Variants in RPSA2 observed in about 807,000 individuals in gnomAD.
The protein encoded by RPSA2 is small ribosomal subunit protein uS2B.
the RPSA2 span, among the ~76,000 whole-genome samples, chr19:23,761,559 A>G: frequency 6.6e-6 from 1 of 152,128 alleles, no homozygotes; most frequent in Non-Finnish European, 1.5e-5. Flanking sequence ...CCTGTAAACT[A>G]TCACTGTTAA....
the RPSA2 span, chr19:23,826,928 G>C: frequency 2.3e-4 from 120 of 521,966 alleles, no homozygotes; most frequent in Non-Finnish European, 3.3e-4. Context: ...CTTACCTTGT[G>C]ATCTGCCTGC....
the RPSA2 span, among the ~76,000 whole-genome samples, chr19:23,797,903 T>G: frequency 1.5e-4 from 23 of 152,200 alleles, no homozygotes; most frequent in Admixed American, 1.2e-3. Flanking sequence ...AAATATAAAT[T>G]AGAAATAAGA....
chr19:23,842,801 G>A, the RPSA2 span: 15 of 151,996 alleles, frequency 9.9e-5, no homozygotes, highest in Admixed American at 2.6e-4. Flanking sequence ...AAAACTTGAC[G>A]GTTTATTGAA....
At chr19:23,812,204 A>G in the RPSA2 span, among the ~76,000 whole-genome samples, 1 of 152,060 alleles carries the variant, frequency 6.6e-6, no homozygotes, top group Non-Finnish European at 1.5e-5. Flanking sequence ...CTTATGTATT[A>G]TAATTTTAGA....
At chr19:23,761,915 T>TCCTCC in the RPSA2 span, among the ~76,000 whole-genome samples, 1 of 21,638 alleles carries the variant, frequency 4.6e-5, no homozygotes, top group East Asian at 1.1e-3. Flanking sequence ...TTTCTTTCTT[T>TCCTCC]CTTTCTTTTT....
the RPSA2 span, among the ~76,000 whole-genome samples, chr19:23,797,165 A>G: frequency 6.6e-6 from 1 of 152,150 alleles, no homozygotes; most frequent in Non-Finnish European, 1.5e-5. Flanking sequence ...GGCCAAGTGC[A>G]ATGGCACGAT....
chr19:23,853,378 CAT>C, the RPSA2 span, among the ~76,000 whole-genome samples: 1 of 141,038 alleles, frequency 7.1e-6, no homozygotes, highest in Non-Finnish European at 1.6e-5. Context: ...ACTAGAAACA[CAT>C]GAGAATTCCA....
chr19:23,831,062 C>A, the RPSA2 span, among the ~76,000 whole-genome samples: 2 of 151,962 alleles, frequency 1.3e-5, no homozygotes, highest in East Asian at 1.9e-4. Flanking sequence ...ACTTGCTACA[C>A]CTGTTCCTTT....
chr19:23,828,240 A>T, the RPSA2 span, among the ~76,000 whole-genome samples: 1 of 149,222 alleles, frequency 6.7e-6, no homozygotes, highest in Non-Finnish European at 1.5e-5. Flanking sequence ...TTTCACCTTT[A>T]TACTCATATC....
At chr19:23,812,190 TTTAC>T in the RPSA2 span, among the ~76,000 whole-genome samples, 4 of 152,172 alleles carry the variant, frequency 2.6e-5, no homozygotes, top group African/African-American at 9.6e-5. Flanking sequence ...TGTTTTTGGT[TTTAC>T]TTATGTATTA....
the RPSA2 span, among the ~76,000 whole-genome samples, chr19:23,869,283 G>T: frequency 2.0e-5 from 3 of 152,292 alleles, no homozygotes; most frequent in South Asian, 6.2e-4. Flanking sequence ...TCACTACAAA[G>T]ATGTCGCTCA....
the RPSA2 span, among the ~76,000 whole-genome samples, chr19:23,788,902 A>C: frequency 6.6e-6 from 1 of 151,810 alleles, no homozygotes; most frequent in African/African-American, 2.4e-5. Context: ...ATCAGCCACC[A>C]GGTGTGTGTC....
the RPSA2 span, among the ~76,000 whole-genome samples, chr19:23,804,547 G>A: frequency 2.6e-5 from 4 of 151,728 alleles, no homozygotes; most frequent in East Asian, 1.9e-4. Flanking sequence ...CACCTGTCTC[G>A]GCCTCCCAAA....
the RPSA2 span, chr19:23,818,583 G>A: frequency 6.6e-6 from 1 of 152,308 alleles, no homozygotes; most frequent in Non-Finnish European, 1.5e-5. Context: ...CAAATTTAAG[G>A]CTCTTGCAGT....
At chr19:23,832,713 A>G in the RPSA2 span, 6 of 1,522,712 alleles carry the variant, frequency 3.9e-6, no homozygotes, top group Middle Eastern at 1.8e-4. Flanking sequence ...CTGGAGAGAA[A>G]CCCTACAAAT....
At chr19:23,786,956 G>T in the RPSA2 span, among the ~76,000 whole-genome samples, 1 of 151,584 alleles carries the variant, frequency 6.6e-6, no homozygotes. Flanking sequence ...ATATTGCTGT[G>T]GTCAGCAACC....
At chr19:23,862,617 T>C in the RPSA2 span, among the ~76,000 whole-genome samples, 3 of 152,222 alleles carry the variant, frequency 2.0e-5, no homozygotes, top group Non-Finnish European at 4.4e-5. Flanking sequence ...AGGCCTTTTC[T>C]GCATCTATTG....
At chr19:23,816,743 C>T in the RPSA2 span, among the ~76,000 whole-genome samples, 1 of 152,176 alleles carries the variant, frequency 6.6e-6, no homozygotes, top group Admixed American at 6.5e-5. Context: ...GAAGAGACCT[C>T]ACAATCATGG....
At chr19:23,800,638 A>G in the RPSA2 span, among the ~76,000 whole-genome samples, 189 of 149,808 alleles carry the variant, frequency 1.3e-3, no homozygotes, top group African/African-American at 4.2e-3. Flanking sequence ...TCTTAGATGG[A>G]ATTTCACTCT....
Sources: allele counts gnomAD v4.1 joint callset (sites outside exome capture counted in the v4.1 genomes callset), GRCh38; gene constraint gnomAD v4.1.1; transcripts MANE v1.5; gene names NCBI Gene and HGNC (gene_info 2026-07-23, HGNC 2026-07-21).